Variants in TNFRSF13C observed in about 807,000 individuals in gnomAD.
The protein encoded by TNFRSF13C is tumor necrosis factor receptor superfamily member 13C.
A neutral mutation model predicts 12.1 loss-of-function variants in TNFRSF13C; 7 were observed. That is an observed-to-expected ratio of 0.58 (90% confidence interval 0.33 to 1.08). The LOEUF (loss-of-function observed/expected upper bound fraction) is 1.08. TNFRSF13C is among the 50% of genes least tolerant of loss of function. The pLI is 0.04. For missense variants in TNFRSF13C, 260 were observed against 265.9 expected (o/e 0.98, Z 0.15); for synonymous variants, 157 against 130.8 (o/e 1.20, Z -1.37).
intron 2 of TNFRSF13C, 86 bp from the exon 3 acceptor site, chr22:41,925,640 C>A: frequency 6.5e-7 from 1 of 1,534,102 alleles, no homozygotes; most frequent in South Asian, 1.1e-5. Flanking sequence ...GGCAGTCCTC[C>A]GTCAAATGAA....
In TNFRSF13C at chr22:41,926,224, G is replaced by C; in HGVS notation, c.244C>G (p.Pro82Ala). ...LPLPGLLFGAPALLGLALVLA... is the reference protein window; with the variant it reads ...LPLPGLLFGAAALLGLALVLA... ...ACCAGTGCCAGGCCCAGCAGCGCGGGGGCGCCAAAGAGCAGCCCGGGCAGG... is the reference window on the plus strand; with the variant it reads ...ACCAGTGCCAGGCCCAGCAGCGCGGCGGCGCCAAAGAGCAGCCCGGGCAGG... Residue 82 changes from proline to alanine, a missense_variant, in exon 2 of 3, where the codon CCC (proline) becomes GCC (alanine). Physicochemically the swap from Pro to Ala is conservative, Grantham distance 27. Coordinates refer to ENST00000291232, the MANE Select transcript of TNFRSF13C (RefSeq NM_052945.4). This position sits in a 1 kb window ranked among gnomAD's most constrained non-coding sequence, Gnocchi z 4.9. The C allele has an allele frequency of 2.5e-6, 4 of 1,592,410 alleles. No individual in the cohort carries two copies. Among genetic ancestry groups the C allele is most frequent in the Non-Finnish European group, 2.6e-6 (3 of 1,173,094 alleles).
In TNFRSF13C at chr22:41,922,075, A is replaced by G. The variant is rs1019954084; in HGVS notation, c.*3292T>C. On this transcript the variant is annotated 3_prime_UTR_variant, in exon 3 of 3. Coordinates refer to ENST00000291232, the MANE Select transcript of TNFRSF13C (RefSeq NM_052945.4). ...TATTGTGGAGTCTCTAAAGAGAGAGAAACTTACCAAATATTAATATGATGG... is the reference window on the plus strand; with the variant it reads ...TATTGTGGAGTCTCTAAAGAGAGAGGAACTTACCAAATATTAATATGATGG... 1 of 152,224 alleles carries G rather than the reference A, an allele frequency of 6.6e-6. No homozygotes were observed. The highest frequency in any genetic ancestry group is 1.9e-4 in the East Asian group (1 of 5,190). 9.4% of individuals were successfully genotyped at this position (152,224 alleles called of 1,614,324 possible).
rs1362450316 is a variant in TNFRSF13C at position 41,926,757 on chromosome 22, CG to C, written c.16del (p.Arg6GlyfsTer94). MRRGP[R>X]SLRGRDAPAP... The stretch of plus-strand genomic sequence containing the variant: ...TGGCGCGTCCCTGCCCCGCAGGCTC[CG>C]GGGCCCTCGCCTCATGGTGCCGACG... On this transcript the variant is annotated frameshift_variant, in exon 1 of 3. Transcript: ENST00000291232. LOFTEE classifies it high-confidence loss of function. The surrounding 1 kb of genome is among the most constrained non-coding windows in gnomAD (Gnocchi z 4.9). 2 of 1,361,798 alleles carry C rather than the reference CG, an allele frequency of 1.5e-6. No individual in the cohort carries two copies. Among genetic ancestry groups the C allele is most frequent in the Non-Finnish European group, 1.9e-6 (2 of 1,060,308 alleles). 84.4% of individuals were successfully genotyped at this position (1,361,798 alleles called of 1,614,324 possible).
rs547843182 is a variant in TNFRSF13C, at chr22:41,922,303, C to G, written c.*3064G>C. On this transcript the variant is annotated 3_prime_UTR_variant, in exon 3 of 3. Transcript: ENST00000291232. ...AATTTAAACAAACACAAACACCCCACCCCCCTCCTCCAGGTGCTCTTATGA... is the reference window on the plus strand; with the variant it reads ...AATTTAAACAAACACAAACACCCCAGCCCCCTCCTCCAGGTGCTCTTATGA... The G allele has an allele frequency of 5.9e-5, 9 of 152,230 alleles. No homozygotes were observed. Among genetic ancestry groups the G allele is most frequent in the African/African-American group, 2.2e-4 (9 of 41,520 alleles). 9.4% of individuals were successfully genotyped at this position (152,230 alleles called of 1,614,324 possible).
Position 41,926,599 on chromosome 22 carries a change from G to A in TNFRSF13C, c.136+39C>T. On this transcript the variant is annotated intron_variant, in intron 1 of 2. Coordinates refer to ENST00000291232, the MANE Select transcript of TNFRSF13C (RefSeq NM_052945.4). The surrounding 1 kb of genome is among the most constrained non-coding windows in gnomAD (Gnocchi z 4.9). ...TGGCGATCGGGGCCCCGTTCTCCCCGCAGCTGCCGGCGCCGCGCGCCCCGT... is the reference window on the plus strand; with the variant it reads ...TGGCGATCGGGGCCCCGTTCTCCCCACAGCTGCCGGCGCCGCGCGCCCCGT... 7.1e-7 allele frequency: 1 copy of A among 1,406,526 alleles called. No homozygotes were observed. Among genetic ancestry groups the A allele is most frequent in the Non-Finnish European group, 9.2e-7 (1 of 1,084,002 alleles). The allele number at this position is 1,406,526 out of a possible 1,614,324, so 87.1% of individuals were successfully genotyped here.
In TNFRSF13C at chr22:41,922,953, C is replaced by T. The variant is rs1228903844; in HGVS notation, c.*2414G>A. ...CTGACCCCACCAAACCTCTCCCACA[C>T]CTACTGCTTGTCACTTGACCTCACC... is the stretch of plus-strand genomic sequence containing the variant. On this transcript the variant is annotated 3_prime_UTR_variant, in exon 3 of 3. Coordinates refer to ENST00000291232, the MANE Select transcript of TNFRSF13C (RefSeq NM_052945.4). The T allele has an allele frequency of 6.6e-6, 1 of 152,434 alleles. No individual in the cohort carries two copies. The highest frequency in any genetic ancestry group is 1.5e-5 in the Non-Finnish European group (1 of 68,192). 9.4% of individuals were successfully genotyped at this position (152,434 alleles called of 1,614,324 possible).
In TNFRSF13C at chr22:41,926,595, C is replaced by A; in HGVS notation, c.136+43G>T. 1 of 1,401,884 alleles carries A rather than the reference C, an allele frequency of 7.1e-7. No individual in the cohort carries two copies. The highest frequency in any genetic ancestry group is 9.2e-7 in the Non-Finnish European group (1 of 1,082,092). The allele number at this position is 1,401,884 out of a possible 1,614,324, so 86.8% of individuals were successfully genotyped here. ...GCCCTGGCGATCGGGGCCCCGTTCT[C>A]CCCGCAGCTGCCGGCGCCGCGCGCC... is the stretch of plus-strand genomic sequence containing the variant. On this transcript the variant is annotated intron_variant, in intron 1 of 2. Coordinates refer to ENST00000291232, the MANE Select transcript of TNFRSF13C (RefSeq NM_052945.4). The surrounding 1 kb of genome is among the most constrained non-coding windows in gnomAD (Gnocchi z 4.9).
At position 41,926,345 on chromosome 22, in the gene TNFRSF13C, G is replaced by A; in HGVS notation, c.137-14C>T. The A allele has an allele frequency of 7.2e-7, 1 of 1,383,598 alleles. No homozygotes were observed. The highest frequency in any genetic ancestry group is 9.3e-7 in the Non-Finnish European group (1 of 1,077,048). 85.7% of individuals were successfully genotyped at this position (1,383,598 alleles called of 1,614,324 possible). On this transcript the variant is annotated splice_polypyrimidine_tract_variant and intron_variant, in intron 1 of 2. Coordinates refer to ENST00000291232, the MANE Select transcript of TNFRSF13C (RefSeq NM_052945.4). The surrounding 1 kb of genome is among the most constrained non-coding windows in gnomAD (Gnocchi z 4.9). ...TGCTGGCCCCGGCTGCTTCGGGAGG[G>A]GACAGGGAGGGAGGCCAGGGGGCCG...
rs1050690547 is a variant in TNFRSF13C, at chr22:41,926,035, T to C, written c.367+66A>G. 8 of 1,596,802 alleles carry C rather than the reference T, an allele frequency of 5.0e-6. No homozygotes were observed. The highest frequency in any genetic ancestry group is 1.7e-5 in the Admixed American group (1 of 59,186). On this transcript the variant is annotated intron_variant, in intron 2 of 2. Coordinates refer to ENST00000291232, the MANE Select transcript of TNFRSF13C (RefSeq NM_052945.4). The surrounding 1 kb of genome is among the most constrained non-coding windows in gnomAD (Gnocchi z 4.9). ...CCCTCAGGGGCCATGCATCTCCCCC[T>C]AGACCGTCCCGACACCCCAGCCCCT...
In TNFRSF13C at chr22:41,925,405, G is replaced by A. The variant is rs765913730; in HGVS notation, c.517C>T (p.Leu173=). 1.1e-5 allele frequency: 17 copies of A among 1,609,552 alleles called. No homozygotes were observed. Among genetic ancestry groups the A allele is most frequent in the Admixed American group, 1.7e-5 (1 of 59,984 alleles). ...VPATELGSTE[L]VTTKTAGPEQ... ...GGGCCGGCCGTCTTGGTGGTCACCA[G>A]TTCAGTGGAGCCCAGCTCTGTGGCT... The change falls in exon 3 of 3, where the codon CTG becomes TTG. Residue 173 remains leucine (L), a synonymous_variant. Transcript: ENST00000291232.
At position 41,922,418 on chromosome 22, in the gene TNFRSF13C, C is replaced by A. The variant is rs937255496; in HGVS notation, c.*2949G>T. The A allele has an allele frequency of 6.6e-6, 1 of 152,182 alleles. No individual in the cohort carries two copies. The highest frequency in any genetic ancestry group is 2.4e-5 in the African/African-American group (1 of 41,418). The allele number at this position is 152,182 out of a possible 1,614,324, so 9.4% of individuals were successfully genotyped here. On this transcript the variant is annotated 3_prime_UTR_variant, in exon 3 of 3. Transcript: ENST00000291232. ...GAGAATTATCTAAGGTTCCTTCCTGCCCTTCTCTGGGGACCACAGGCCAGG... is the reference window on the plus strand; with the variant it reads ...GAGAATTATCTAAGGTTCCTTCCTGACCTTCTCTGGGGACCACAGGCCAGG...
In TNFRSF13C at chr22:41,926,440, C is replaced by T; in HGVS notation, c.137-109G>A. The T allele has an allele frequency of 5.0e-6, 1 of 198,072 alleles. No homozygotes were observed. The highest frequency in any genetic ancestry group is 8.1e-6 in the Non-Finnish European group (1 of 123,482). 12.3% of individuals were successfully genotyped at this position (198,072 alleles called of 1,614,324 possible). On this transcript the variant is annotated intron_variant, in intron 1 of 2. Coordinates refer to ENST00000291232, the MANE Select transcript of TNFRSF13C (RefSeq NM_052945.4). The surrounding 1 kb of genome is among the most constrained non-coding windows in gnomAD (Gnocchi z 4.9). ...GCTGGCCGGGGAGGGGAGGGACAGC[C>T]GGGGGGCGGTGGACAAGGGGAGGGA... is the stretch of plus-strand genomic sequence containing the variant.
At position 41,923,898 on chromosome 22, in the gene TNFRSF13C, G is replaced by C. The variant is rs2077616635; in HGVS notation, c.*1469C>G. On this transcript the variant is annotated 3_prime_UTR_variant, in exon 3 of 3. Coordinates refer to ENST00000291232, the MANE Select transcript of TNFRSF13C (RefSeq NM_052945.4). ...TTCTGGCAGATTGGGCCAATCTCAGGGTTGACCCTGGGGTACAGATACCTG... is the reference window on the plus strand; with the variant it reads ...TTCTGGCAGATTGGGCCAATCTCAGCGTTGACCCTGGGGTACAGATACCTG... The C allele has an allele frequency of 2.6e-5, 4 of 152,194 alleles. No individual in the cohort carries two copies. The highest frequency in any genetic ancestry group is 4.4e-5 in the Non-Finnish European group (3 of 68,044). 9.4% of individuals were successfully genotyped at this position (152,194 alleles called of 1,614,324 possible).
Position 41,925,255 on chromosome 22 carries a change from TGGTCCCAGAAAGAG to T in TNFRSF13C, c.*98_*111del, listed in dbSNP as rs986205392. On this transcript the variant is annotated 3_prime_UTR_variant, in exon 3 of 3. Transcript: ENST00000291232. ...TGTCTGTGCTTCTGCAGAGTTAGCC[TGGTCCCAGAAAGAG>T]GGCATGTGCATGCTGGAGTGAAGAG... The T allele has an allele frequency of 2.0e-5, 24 of 1,175,400 alleles. No individual in the cohort carries two copies. The highest frequency in any genetic ancestry group is 2.8e-5 in the Non-Finnish European group (24 of 851,620). The allele number at this position is 1,175,400 out of a possible 1,614,324, so 72.8% of individuals were successfully genotyped here.
At chr22:41,925,943 A>G (rs569754366) in intron 2 of TNFRSF13C, among the ~76,000 whole-genome samples, 158 bp downstream of exon 2, 2 of 152,250 alleles carry the variant, frequency 1.3e-5, no homozygotes, top group South Asian at 4.1e-4. Context: ...CTCCCTCCCC[A>G]GCCTGAGCTC....
In TNFRSF13C at chr22:41,923,854, G is replaced by A. The variant is rs2077616438; in HGVS notation, c.*1513C>T. 1.3e-5 allele frequency: 2 copies of A among 152,212 alleles called. No homozygotes were observed. The highest frequency in any genetic ancestry group is 2.9e-5 in the Non-Finnish European group (2 of 68,040). The allele number at this position is 152,212 out of a possible 1,614,324, so 9.4% of individuals were successfully genotyped here. On this transcript the variant is annotated 3_prime_UTR_variant, in exon 3 of 3. Transcript: ENST00000291232. ...TGTGGCTCTGGAAGCTGCCACTGGG[G>A]TCAAAATGGCATCTTAGGTTCTGGC...
chr22:41,925,694 G>C, intron 2 of TNFRSF13C, 140 bp from the exon 3 acceptor site: 1 of 1,051,908 alleles, frequency 9.5e-7, no homozygotes, highest in Non-Finnish European at 1.4e-6. Flanking sequence ...CTGACCCTGA[G>C]TCCAGAGGCC....
At position 41,922,187 on chromosome 22, in the gene TNFRSF13C, G is replaced by T. The variant is rs1281044232; in HGVS notation, c.*3180C>A. 2 of 152,166 alleles carry T rather than the reference G, an allele frequency of 1.3e-5. No individual in the cohort carries two copies. Among genetic ancestry groups the T allele is most frequent in the African/African-American group, 4.8e-5 (2 of 41,416 alleles). The allele number at this position is 152,166 out of a possible 1,614,324, so 9.4% of individuals were successfully genotyped here. A position where few individuals can be genotyped will look rare whatever the true frequency, so the allele number is the denominator to read the frequency against. On this transcript the variant is annotated 3_prime_UTR_variant, in exon 3 of 3. Transcript: ENST00000291232. ...TCGAGGCCTGGGGTTACTGGACACG[G>T]GTCATTTCTTCCCTGACTACATCAT...
chr22:41,926,766 C>T lies in TNFRSF13C; in HGVS notation c.8G>A (p.Arg3Gln). Reference sequence around the variant, plus strand: ...CCTGCCCCGCAGGCTCCGGGGCCCTCGCCTCATGGTGCCGACGCCGCCGCA... The same window carrying T: ...CCTGCCCCGCAGGCTCCGGGGCCCTTGCCTCATGGTGCCGACGCCGCCGCA... MRRGPRSLRGRDA... is the reference protein window; with the variant it reads MRQGPRSLRGRDA... Residue 3 changes from arginine to glutamine, a missense_variant, in exon 1 of 3, where the codon CGA becomes CAA. By Grantham distance (43) the Arg-to-Gln change is conservative. Transcript: ENST00000291232. This position sits in a 1 kb window ranked among gnomAD's most constrained non-coding sequence, Gnocchi z 4.9. The T allele has an allele frequency of 7.4e-7, 1 of 1,350,356 alleles. No individual in the cohort carries two copies. Among genetic ancestry groups the T allele is most frequent in the African/African-American group, 1.5e-5 (1 of 65,276 alleles). 83.6% of individuals were successfully genotyped at this position (1,350,356 alleles called of 1,614,324 possible).
Sources: gnomAD v4.1 joint callset for allele counts (sites outside exome capture counted in the v4.1 genomes callset) on GRCh38, gnomAD v4.1.1 for gene constraint, Gnocchi (gnomAD v3.1) non-coding constraint, MANE v1.5 for transcripts, NCBI Gene and HGNC (gene_info 2026-07-23, HGNC 2026-07-21) for gene names.